The following ASCC3 variants were observed in gnomAD, a reference collection of about 807,000 sequenced individuals.
The protein encoded by ASCC3 is activating signal cointegrator 1 complex subunit 3, also known as ASC-1 complex subunit P200.
ASCC3 carries 158 observed loss-of-function variants against 256.3 expected under a neutral mutation model. That is an observed-to-expected ratio of 0.62 (90% confidence interval 0.54 to 0.70). ASCC3 has a LOEUF of 0.70. ASCC3 is among the 30% of genes least tolerant of loss of function. The pLI, the probability that ASCC3 is intolerant of heterozygous loss-of-function variation, is 0.00. For synonymous variants in ASCC3, 948 were observed against 883.4 expected, an observed-to-expected ratio of 1.07 and a Z score of -1.30; for missense variants, 2,259 against 2,626.0, an observed-to-expected ratio of 0.86 and a Z score of 3.05.
At chr6:100,845,294 G>A (rs1007402397) in intron 4 of ASCC3, among the ~76,000 whole-genome samples, 1 of 151,988 alleles carries the variant, frequency 6.6e-6, no homozygotes, top group African/African-American at 2.4e-5. Flanking sequence ...TCTATGGGAC[G>A]GACAAAGCAT....
chr6:100,554,697 C>G (rs1769480320), intron 36 of ASCC3, among the ~76,000 whole-genome samples: 1 of 151,980 alleles, frequency 6.6e-6, no homozygotes. Context: ...AGTAAATTTC[C>G]CTGATAGGAA....
intron 13 of ASCC3, among the ~76,000 whole-genome samples, chr6:100,709,871 A>G (rs576343709): frequency 2.6e-5 from 4 of 152,194 alleles, no homozygotes; most frequent in Non-Finnish European, 4.4e-5. Flanking sequence ...AAAACTATAA[A>G]CAATTTTAAT....
chr6:100,730,795 A>G (rs1779865341), intron 10 of ASCC3, among the ~76,000 whole-genome samples: 1 of 152,112 alleles, frequency 6.6e-6, no homozygotes, highest in African/African-American at 2.4e-5. Flanking sequence ...TCTACAACAA[A>G]TCAGTTAGTT....
chr6:100,600,920 C>T lies in ASCC3; in HGVS notation c.5303+890G>A, dbSNP rs544948911. On this transcript the variant is annotated intron_variant, in intron 34 of 41. Transcript: ENST00000369162. ...TCACCATAGCCTCTAGGATCAGATGCAAACTACTTAGCACAGCATAAAGGC... is the reference window on the plus strand; with the variant it reads ...TCACCATAGCCTCTAGGATCAGATGTAAACTACTTAGCACAGCATAAAGGC... Among the ~76,000 whole-genome samples, 5 of 152,206 alleles carry T rather than the reference C, an allele frequency of 3.3e-5. No individual in the cohort carries two copies. In the East Asian group the frequency reaches 9.6e-4, roughly 29 times the overall value.
intron 14 of ASCC3, among the ~76,000 whole-genome samples, chr6:100,663,149 A>G (rs559974634): frequency 7.0e-4 from 106 of 152,058 alleles, no homozygotes; most frequent in African/African-American, 2.4e-3. Context: ...GTTCACCTAC[A>G]GCTGTGTTCT....
intron 36 of ASCC3, among the ~76,000 whole-genome samples, chr6:100,582,658 T>C (rs1562137385): frequency 6.6e-6 from 1 of 152,002 alleles, no homozygotes; most frequent in Non-Finnish European, 1.5e-5. Context: ...CATCCCTGTC[T>C]TGTGCCAGTT....
chr6:100,860,453 T>C (rs1773167368), intron 3 of ASCC3, among the ~76,000 whole-genome samples: 1 of 151,914 alleles, frequency 6.6e-6, no homozygotes, highest in African/African-American at 2.4e-5. Context: ...GGAGGAATAC[T>C]TAAAAATAAC....
intron 36 of ASCC3, among the ~76,000 whole-genome samples, chr6:100,578,495 A>G (rs557321503): frequency 3.3e-5 from 5 of 152,086 alleles, no homozygotes; most frequent in African/African-American, 1.2e-4. Context: ...TTTAGCTCCC[A>G]TTTATAAGTG....
intron 4 of ASCC3, among the ~76,000 whole-genome samples, chr6:100,829,708 A>G (rs705590): frequency 0.99 from 151,436 of 152,264 alleles, 75,311 homozygotes; most frequent in East Asian, 1. Context: ...AGGAGGTGCC[A>G]AGAGCGAGCG....
intron 3 of ASCC3, chr6:100,857,860 CCACACACACACATGCACACATA>C (rs1221032607): frequency 1.5e-5 from 2 of 136,804 alleles, no homozygotes; most frequent in South Asian, 4.5e-4. Flanking sequence ...TTGTCAATTT[CCACACACACACATGCACACATA>C]CACACACACA....
intron 1 of ASCC3, among the ~76,000 whole-genome samples, chr6:100,871,871 T>C (rs1162990290): frequency 1.3e-5 from 2 of 152,190 alleles, no homozygotes; most frequent in East Asian, 1.9e-4. Context: ...CTCCCAAGAA[T>C]TGTACACAGT....
chr6:100,753,621 T>A (rs1781046019), intron 10 of ASCC3, among the ~76,000 whole-genome samples: 1 of 152,072 alleles, frequency 6.6e-6, no homozygotes, highest in Non-Finnish European at 1.5e-5. Flanking sequence ...TAAGTGATCC[T>A]CCTGCCTTAG....
chr6:100,526,348 G>A (rs1412301941), intron 37 of ASCC3, among the ~76,000 whole-genome samples: 1 of 152,128 alleles, frequency 6.6e-6, no homozygotes, highest in African/African-American at 2.4e-5. Context: ...AGCCCCAACC[G>A]GGAAAAGGGT....
chr6:100,808,238 A>G (rs1399083865), intron 4 of ASCC3, among the ~76,000 whole-genome samples: 1 of 151,816 alleles, frequency 6.6e-6, no homozygotes, highest in Non-Finnish European at 1.5e-5. Context: ...CACTCAATCA[A>G]TTATTTTCCA....
In ASCC3 at chr6:100,638,675, G is replaced by A. The variant is rs1159691817; in HGVS notation, c.4048C>T (p.Pro1350Ser). 3.7e-6 allele frequency: 6 copies of A among 1,614,040 alleles called. No homozygotes were observed. Among genetic ancestry groups the A allele is most frequent in the Non-Finnish European group, 5.1e-6 (6 of 1,179,964 alleles). ...HTDCNVLLGA[P>S]TGSGKTVAAE... ...GCAACAGTCTTTCCCGATCCAGTAGGTGCTCCAAGTAGGACATTACAATCC... is the reference window on the plus strand; with the variant it reads ...GCAACAGTCTTTCCCGATCCAGTAGATGCTCCAAGTAGGACATTACAATCC... Residue 1350 changes from proline to serine, a missense_variant, in exon 25 of 42, where the codon CCT becomes TCT. Pro to Ser is a moderately conservative substitution (Grantham distance 74). Coordinates refer to ENST00000369162, the MANE Select transcript of ASCC3 (RefSeq NM_006828.4).
chr6:100,628,092 A>AAAAC lies in ASCC3; in HGVS notation c.4376-106_4376-105insGTTT, dbSNP rs1774336234. On this transcript the variant is annotated intron_variant, in intron 27 of 41. Transcript: ENST00000369162. Reference sequence around the variant, plus strand: ...TGTAGCTTCCTCAAAAAACAAAAACAAAAAAAAAAACAAAAAAAAAGCTAA... The same window carrying AAAAC: ...TGTAGCTTCCTCAAAAAACAAAAACAAAACAAAAAAAAAACAAAAAAAAAGCTAA... 1.5e-5 allele frequency: 10 copies of AAAAC among 656,626 alleles called. No individual in the cohort carries two copies. In the African/African-American group the frequency reaches 1.6e-4, roughly 11 times the overall value. The allele number at this position is 656,626 out of a possible 1,614,324, so 40.7% of individuals were successfully genotyped here. A position where few individuals can be genotyped will look rare whatever the true frequency, so the allele number is the denominator to read the frequency against.
At chr6:100,571,339 T>C (rs1176473084) in intron 36 of ASCC3, among the ~76,000 whole-genome samples, 1 of 152,206 alleles carries the variant, frequency 6.6e-6, no homozygotes, top group Admixed American at 6.5e-5. Context: ...TTTACCATCA[T>C]AAACTATCCT....
intron 3 of ASCC3, chr6:100,858,037 C>G (rs1773042423): frequency 5.7e-6 from 1 of 175,364 alleles, no homozygotes; most frequent in Non-Finnish European, 1.1e-5. Context: ...TTTAAATTCT[C>G]TCAATATTTT....
At chr6:100,623,461 C>T (rs1210696891) in intron 30 of ASCC3, among the ~76,000 whole-genome samples, 1 of 152,110 alleles carries the variant, frequency 6.6e-6, no homozygotes, top group Admixed American at 6.6e-5. Context: ...GTAATACATA[C>T]AGTACTATCT....
Sources: gnomAD v4.1 joint callset for allele counts (sites outside exome capture counted in the v4.1 genomes callset) on GRCh38, gnomAD v4.1.1 for gene constraint, MANE v1.5 for transcripts, NCBI Gene and HGNC (gene_info 2026-07-23, HGNC 2026-07-21) for gene names.